The following NTRK3 variants were observed in gnomAD, a reference collection of about 807,000 sequenced individuals.
NTRK3 encodes neurotrophic receptor tyrosine kinase 3, also known as NT-3 growth factor receptor.
NTRK3 carries 24 observed loss-of-function variants against 91.7 expected under a neutral mutation model. The ratio of observed to expected loss-of-function variants is 0.26; its 90% CI spans 0.19 to 0.37. NTRK3 has a LOEUF of 0.37. Among genes scored for constraint, NTRK3 ranks in the 10% least tolerant of loss-of-function variants. NTRK3 has a pLI of 1.00. For missense variants in NTRK3, 880 were observed against 1,068.9 expected (o/e 0.82, Z 2.46); for synonymous variants, 483 against 404.0 (o/e 1.20, Z -2.34).
intron 18 of NTRK3, among the ~76,000 whole-genome samples, chr15:87,879,841 C>T (rs1262235147): frequency 6.6e-6 from 1 of 152,028 alleles, no homozygotes; most frequent in Admixed American, 6.5e-5. Flanking sequence ...ACTGGTCTTC[C>T]CAAATTGACC....
chr15:87,918,167 A>AC, intron 17 of NTRK3, among the ~76,000 whole-genome samples: 1 of 152,184 alleles, frequency 6.6e-6, no homozygotes, highest in Admixed American at 6.5e-5. Flanking sequence ...ACAGGATCTC[A>AC]CTGCCTCTTT....
chr15:88,131,068 A>G (rs949938871), intron 10 of NTRK3, among the ~76,000 whole-genome samples: 3 of 152,272 alleles, frequency 2.0e-5, no homozygotes, highest in African/African-American at 7.2e-5. Context: ...AATTAAAAAG[A>G]AACACAGATT....
At chr15:88,153,429 A>G (rs2043583334) in intron 5 of NTRK3, among the ~76,000 whole-genome samples, 1 of 151,974 alleles carries the variant, frequency 6.6e-6, no homozygotes, top group African/African-American at 2.4e-5. Flanking sequence ...TTTTTAGTAG[A>G]CACTAAAAAT....
intron 17 of NTRK3, among the ~76,000 whole-genome samples, chr15:87,904,711 C>T (rs1020714192): frequency 1.3e-5 from 2 of 152,134 alleles, no homozygotes; most frequent in African/African-American, 2.4e-5. Flanking sequence ...AGTGGCAGGG[C>T]GGCCCATATG....
At chr15:88,208,507 C>T (rs554249793) in intron 3 of NTRK3, among the ~76,000 whole-genome samples, 1 of 152,202 alleles carries the variant, frequency 6.6e-6, no homozygotes, top group South Asian at 2.1e-4. Context: ...AATTCTGACT[C>T]ATAGGTCAGA....
chr15:88,042,463 T>A (rs2079734722), intron 13 of NTRK3, among the ~76,000 whole-genome samples: 1 of 152,138 alleles, frequency 6.6e-6, no homozygotes, highest in South Asian at 2.1e-4. Context: ...CTCTGTGGTC[T>A]CCGGGGCACA....
intron 14 of NTRK3, among the ~76,000 whole-genome samples, chr15:88,029,857 G>C (rs905614903): frequency 2.0e-5 from 3 of 152,236 alleles, no homozygotes; most frequent in Admixed American, 6.5e-5. Context: ...GTTAATCAGA[G>C]ACCTGCTGCT....
At chr15:88,190,533 C>T (rs186210438) in intron 3 of NTRK3, among the ~76,000 whole-genome samples, 1 of 152,166 alleles carries the variant, frequency 6.6e-6, no homozygotes, top group East Asian at 1.9e-4. Flanking sequence ...CAACGGTTAT[C>T]GCATCCATTT....
intron 14 of NTRK3, among the ~76,000 whole-genome samples, chr15:87,941,051 C>T (rs1385553451): frequency 2.0e-5 from 3 of 152,140 alleles, no homozygotes; most frequent in Non-Finnish European, 4.4e-5. Flanking sequence ...TATTCATTAG[C>T]CAGAGTTGTT....
chr15:88,131,460 A>G (rs2041337808), intron 10 of NTRK3, among the ~76,000 whole-genome samples: 1 of 152,188 alleles, frequency 6.6e-6, no homozygotes, highest in African/African-American at 2.4e-5. Context: ...GGGGATGGTC[A>G]CAGAACTATC....
chr15:88,198,701 A>G (rs1402572662), intron 3 of NTRK3, among the ~76,000 whole-genome samples: 4 of 149,176 alleles, frequency 2.7e-5, no homozygotes, highest in African/African-American at 5.0e-5. Context: ...TTCTGCGCTC[A>G]GTAAGCATTC....
At chr15:88,125,128 TC>T (rs2053148616) in intron 13 of NTRK3, among the ~76,000 whole-genome samples, 1 of 152,242 alleles carries the variant, frequency 6.6e-6, no homozygotes, top group South Asian at 2.1e-4. Flanking sequence ...TACAGGGTTT[TC>T]TACCCTTCTA....
intron 17 of NTRK3, among the ~76,000 whole-genome samples, chr15:87,925,395 T>A (rs903718143): frequency 3.9e-5 from 6 of 151,994 alleles, no homozygotes; most frequent in Non-Finnish European, 7.3e-5. Flanking sequence ...CATGCCCTTA[T>A]ATGCACATTC....
intron 13 of NTRK3, among the ~76,000 whole-genome samples, chr15:88,115,217 C>T (rs1597395459): frequency 6.6e-6 from 1 of 152,232 alleles, no homozygotes; most frequent in East Asian, 1.9e-4. Context: ...TCTGATAGCG[C>T]TTCTCCTCAG....
intron 14 of NTRK3, among the ~76,000 whole-genome samples, chr15:87,974,331 G>T (rs548099580): frequency 6.6e-6 from 1 of 152,328 alleles, no homozygotes; most frequent in Admixed American, 6.5e-5. Context: ...TTTTTAGGGT[G>T]AGCATTGCAT....
chr15:88,158,421 C>G (rs1215783494), intron 5 of NTRK3, among the ~76,000 whole-genome samples: 1 of 152,192 alleles, frequency 6.6e-6, no homozygotes, highest in Non-Finnish European at 1.5e-5. Flanking sequence ...TGGGCTGGTG[C>G]TGGTGTGCTG....
intron 14 of NTRK3, chr15:87,977,872 G>T (rs1208563939): frequency 8.6e-6 from 2 of 232,564 alleles, no homozygotes; most frequent in Non-Finnish European, 1.7e-5. Context: ...CCCTTAAGTG[G>T]GAATCCAAAC....
intron 13 of NTRK3, among the ~76,000 whole-genome samples, chr15:88,111,703 T>C (rs1289504083): frequency 6.6e-6 from 1 of 152,174 alleles, no homozygotes; most frequent in East Asian, 1.9e-4. Context: ...GTGACCCTCC[T>C]TAGAACTCTA....
chr15:87,973,196 A>C (rs967678472), intron 14 of NTRK3, among the ~76,000 whole-genome samples: 1 of 152,216 alleles, frequency 6.6e-6, no homozygotes, highest in African/African-American at 2.4e-5. Context: ...TGCCAAAATG[A>C]AAAGGGGCAA....
Sources: gnomAD v4.1 joint callset for allele counts (sites outside exome capture counted in the v4.1 genomes callset) on GRCh38, gnomAD v4.1.1 for gene constraint, MANE v1.5 for transcripts, NCBI Gene and HGNC (gene_info 2026-07-23, HGNC 2026-07-21) for gene names.